UNC5D: variants seen among roughly 807,000 people sequenced by gnomAD.
UNC5D encodes netrin receptor UNC5D.
UNC5D carries 39 observed loss-of-function variants against 105.4 expected under a neutral mutation model. The ratio of observed to expected loss-of-function variants is 0.37; its 90% CI spans 0.29 to 0.48. UNC5D has a LOEUF of 0.48. Ranked by LOEUF, UNC5D falls within the 20% of genes least tolerant of loss-of-function variation. The pLI is 0.98. For synonymous variants in UNC5D, 452 were observed against 450.4 expected (o/e 1.00, Z -0.04); for missense variants, 991 against 1,202.4 (o/e 0.82, Z 2.60).
intron 1 of UNC5D, among the ~76,000 whole-genome samples, chr8:35,276,281 GT>G (rs1377496243): frequency 2.0e-5 from 3 of 151,848 alleles, no homozygotes; most frequent in Non-Finnish European, 2.9e-5. Flanking sequence ...TGTGGAAGTT[GT>G]TTTTTTTCTC....
rs1437129518 is a variant in UNC5D at position 35,726,133 on chromosome 8, A to G, written c.1304-19A>G. ...ATGCCTTTTAGTTTCTGAGTGACAG[A>G]TCAATTTTCTTTTACCAGGTAACTC... On this transcript the variant is annotated intron_variant, in intron 9 of 16. Transcript: ENST00000404895. 6.3e-7 allele frequency: 1 copy of G among 1,595,524 alleles called. No homozygotes were observed. Among genetic ancestry groups the G allele is most frequent in the African/African-American group, 1.3e-5 (1 of 74,430 alleles).
intron 4 of UNC5D, among the ~76,000 whole-genome samples, chr8:35,671,632 A>G (rs1266549594): frequency 1.3e-5 from 2 of 152,154 alleles, no homozygotes; most frequent in African/African-American, 4.8e-5. Context: ...TAATCCATAC[A>G]AGACTTTAGA....
intron 1 of UNC5D, among the ~76,000 whole-genome samples, chr8:35,349,484 A>G (rs748375755): frequency 2.0e-5 from 3 of 152,038 alleles, no homozygotes; most frequent in African/African-American, 4.8e-5. Context: ...TTAGAAAGCT[A>G]TAAAGTTCAG....
chr8:35,491,935 T>C (rs1474352685), intron 1 of UNC5D, among the ~76,000 whole-genome samples: 1 of 152,184 alleles, frequency 6.6e-6, no homozygotes, highest in African/African-American at 2.4e-5. Context: ...TTGCCCATTT[T>C]CTTCTCATCA....
chr8:35,250,609 C>T (rs935274003), intron 1 of UNC5D, among the ~76,000 whole-genome samples: 7 of 152,206 alleles, frequency 4.6e-5, no homozygotes, highest in South Asian at 2.1e-4. Context: ...AATCTCCTGC[C>T]TCAGCCTCCC....
intron 1 of UNC5D, among the ~76,000 whole-genome samples, chr8:35,312,026 A>T (rs1563303485): frequency 6.6e-6 from 1 of 152,196 alleles, no homozygotes; most frequent in Admixed American, 6.5e-5. Flanking sequence ...GCTTTTATGC[A>T]AGTGCTGTAC....
chr8:35,441,388 C>G (rs1807387319), intron 1 of UNC5D, among the ~76,000 whole-genome samples: 1 of 151,888 alleles, frequency 6.6e-6, no homozygotes, highest in Non-Finnish European at 1.5e-5. Flanking sequence ...ATAAATCACA[C>G]TTCATTATAG....
intron 1 of UNC5D, among the ~76,000 whole-genome samples, chr8:35,543,212 G>A (rs1427070831): frequency 6.6e-6 from 1 of 151,690 alleles, no homozygotes; most frequent in Non-Finnish European, 1.5e-5. Flanking sequence ...GAAAAGAAAA[G>A]CATACTTTGG....
intron 1 of UNC5D, among the ~76,000 whole-genome samples, chr8:35,245,534 G>T (rs544213192): frequency 2.6e-5 from 4 of 152,262 alleles, no homozygotes; most frequent in African/African-American, 9.6e-5. Context: ...GTCAGTGTGA[G>T]GTGTGTGGGA....
At chr8:35,438,690 T>C (rs991224550) in intron 1 of UNC5D, among the ~76,000 whole-genome samples, 2 of 151,994 alleles carry the variant, frequency 1.3e-5, no homozygotes, top group Non-Finnish European at 2.9e-5. Context: ...TAAATTTGCT[T>C]TGATAAAGTT....
At chr8:35,557,464 C>T (rs764855717) in intron 2 of UNC5D, among the ~76,000 whole-genome samples, 1 of 152,184 alleles carries the variant, frequency 6.6e-6, no homozygotes, top group Non-Finnish European at 1.5e-5. Flanking sequence ...TGATAAAAGA[C>T]ATTTAGCCCT....
intron 1 of UNC5D, among the ~76,000 whole-genome samples, chr8:35,454,729 C>T (rs1369487651): frequency 1.3e-5 from 2 of 152,146 alleles, no homozygotes; most frequent in Non-Finnish European, 2.9e-5. Context: ...AGCCCCCGTA[C>T]CCATAAAAAT....
At chr8:35,526,899 T>C (rs1813915430) in intron 1 of UNC5D, among the ~76,000 whole-genome samples, 1 of 152,190 alleles carries the variant, frequency 6.6e-6, no homozygotes, top group African/African-American at 2.4e-5. Context: ...GCACACGGTC[T>C]TCCTCCTTGA....
At chr8:35,285,994 A>G (rs1322700665) in intron 1 of UNC5D, among the ~76,000 whole-genome samples, 1 of 152,164 alleles carries the variant, frequency 6.6e-6, no homozygotes, top group African/African-American at 2.4e-5. Context: ...GTCATTTTTT[A>G]GGGAAAAATA....
At chr8:35,593,077 A>G (rs1180524402) in intron 3 of UNC5D, among the ~76,000 whole-genome samples, 4 of 151,854 alleles carry the variant, frequency 2.6e-5, no homozygotes, top group Admixed American at 1.3e-4. Flanking sequence ...ACACACACAC[A>G]CACACACACA....
At chr8:35,525,276 C>T (rs550787337) in intron 1 of UNC5D, 1 of 1,612,204 alleles carries the variant, frequency 6.2e-7, no homozygotes, top group Non-Finnish European at 8.5e-7. Context: ...AACTATTTTG[C>T]GTACATGGCT....
intron 1 of UNC5D, among the ~76,000 whole-genome samples, chr8:35,287,105 C>T (rs1209205092): frequency 6.6e-6 from 1 of 152,178 alleles, no homozygotes; most frequent in East Asian, 1.9e-4. Flanking sequence ...CCTCCAGAAT[C>T]TCAGGCTAGA....
chr8:35,720,802 T>G (rs1291398967), intron 8 of UNC5D, among the ~76,000 whole-genome samples: 1 of 152,106 alleles, frequency 6.6e-6, no homozygotes, highest in Admixed American at 6.5e-5. Flanking sequence ...TTATGGTTAT[T>G]AAATGTATTT....
chr8:35,781,384 T>A (rs530525319), intron 16 of UNC5D, among the ~76,000 whole-genome samples: 19 of 152,306 alleles, frequency 1.2e-4, no homozygotes, highest in Non-Finnish European at 4.4e-5. Context: ...ATGCTCCCAC[T>A]GTGGGCTCCA....
Sources: allele counts gnomAD v4.1 joint callset (sites outside exome capture counted in the v4.1 genomes callset), GRCh38; gene constraint gnomAD v4.1.1; transcripts MANE v1.5; gene names NCBI Gene and HGNC (gene_info 2026-07-23, HGNC 2026-07-21).